HECW2: variants seen among roughly 807,000 people sequenced by gnomAD.
HECW2 encodes E3 ubiquitin-protein ligase HECW2.
In HECW2, 61 loss-of-function variants were observed where a neutral mutation model predicts 175.2. The ratio of observed to expected loss-of-function variants is 0.35; its 90% CI spans 0.28 to 0.43. HECW2 has a LOEUF of 0.43. Ranked by LOEUF, HECW2 falls within the 20% of genes least tolerant of loss-of-function variation. The pLI, the probability that HECW2 is intolerant of heterozygous loss-of-function variation, is 1.00. For missense variants in HECW2, 1,524 were observed against 2,000.5 expected (o/e 0.76, Z 4.54); for synonymous variants, 671 against 731.0 (o/e 0.92, Z 1.32).
chr2:196,342,545 A>G (rs1692795907), intron 3 of HECW2, among the ~76,000 whole-genome samples: 1 of 151,962 alleles, frequency 6.6e-6, no homozygotes, highest in African/African-American at 2.4e-5. Context: ...TATTTTTTCA[A>G]TAATATTGGT....
chr2:196,332,794 C>T (rs1692415173), intron 4 of HECW2, among the ~76,000 whole-genome samples: 1 of 151,998 alleles, frequency 6.6e-6, no homozygotes, highest in African/African-American at 2.4e-5. Flanking sequence ...TGTAACTTTC[C>T]GTTTTTAGAA....
intron 2 of HECW2, among the ~76,000 whole-genome samples, chr2:196,365,141 T>C (rs1693709661): frequency 1.3e-5 from 2 of 152,244 alleles, no homozygotes; most frequent in South Asian, 2.1e-4. Context: ...GGATTAATTA[T>C]ACACAATTAA....
At chr2:196,424,749 T>C (rs1043847884) in intron 2 of HECW2, among the ~76,000 whole-genome samples, 2 of 152,142 alleles carry the variant, frequency 1.3e-5, no homozygotes, top group African/African-American at 4.8e-5. Context: ...GGTTGATTCA[T>C]AAGTTTAAGG....
intron 1 of HECW2, among the ~76,000 whole-genome samples, chr2:196,499,382 C>A (rs1020244249): frequency 2.0e-5 from 3 of 151,686 alleles, no homozygotes; most frequent in East Asian, 1.9e-4. Context: ...CCTCTGCCAG[C>A]ATTAAGCATT....
chr2:196,389,027 T>C (rs766085382), intron 2 of HECW2, among the ~76,000 whole-genome samples: 5 of 152,180 alleles, frequency 3.3e-5, no homozygotes, highest in African/African-American at 9.7e-5. Flanking sequence ...AAAAGCTATA[T>C]AGTTCCTAGA....
chr2:196,509,117 G>GT (rs200654053), intron 1 of HECW2, among the ~76,000 whole-genome samples: 53 of 151,468 alleles, frequency 3.5e-4, no homozygotes, highest in Admixed American at 8.5e-4. Context: ...AGGATTGTGG[G>GT]TTTTTTTTTA....
chr2:196,546,637 A>G (rs1363739982), intron 1 of HECW2, among the ~76,000 whole-genome samples: 1 of 152,092 alleles, frequency 6.6e-6, no homozygotes, highest in African/African-American at 2.4e-5. Flanking sequence ...GACCTACCTA[A>G]AGGTTTCAGC....
chr2:196,323,262 T>C (rs1183570449), intron 6 of HECW2, among the ~76,000 whole-genome samples: 5 of 152,216 alleles, frequency 3.3e-5, no homozygotes, highest in Admixed American at 2.0e-4. Context: ...AGAATGCCAC[T>C]GGGGAAATTT....
intron 1 of HECW2, among the ~76,000 whole-genome samples, chr2:196,471,736 G>C (rs551232481): frequency 6.6e-6 from 1 of 152,070 alleles, no homozygotes; most frequent in African/African-American, 2.4e-5. Flanking sequence ...AATACTACAT[G>C]TTCTCACTTA....
At chr2:196,482,776 T>G (rs575700310) in intron 1 of HECW2, among the ~76,000 whole-genome samples, 1 of 152,112 alleles carries the variant, frequency 6.6e-6, no homozygotes, top group Non-Finnish European at 1.5e-5. Flanking sequence ...AATTCAAGAA[T>G]AAAATCACTA....
At chr2:196,490,843 A>C (rs915503559) in intron 1 of HECW2, among the ~76,000 whole-genome samples, 2 of 151,812 alleles carry the variant, frequency 1.3e-5, no homozygotes, top group Admixed American at 6.6e-5. Context: ...CTAAGTGAAG[A>C]AAGCCAAAAC....
intron 2 of HECW2, among the ~76,000 whole-genome samples, chr2:196,377,061 A>G (rs575153553): frequency 4.6e-5 from 7 of 152,364 alleles, no homozygotes; most frequent in African/African-American, 1.4e-4. Flanking sequence ...AATTTCATAA[A>G]CATGCCAAGG....
chr2:196,439,876 G>A (rs1015074905), intron 1 of HECW2, among the ~76,000 whole-genome samples: 3 of 152,156 alleles, frequency 2.0e-5, no homozygotes, highest in Non-Finnish European at 4.4e-5. Flanking sequence ...GGAACCCAGC[G>A]CTGTTGGCAG....
At chr2:196,442,166 T>C (rs1264252331) in intron 1 of HECW2, among the ~76,000 whole-genome samples, 2 of 152,122 alleles carry the variant, frequency 1.3e-5, no homozygotes, top group Admixed American at 6.6e-5. Context: ...ACTCATTTAG[T>C]TATTTAAACG....
At chr2:196,343,231 T>C (rs1448168519) in intron 3 of HECW2, among the ~76,000 whole-genome samples, 2 of 152,222 alleles carry the variant, frequency 1.3e-5, no homozygotes, top group African/African-American at 2.4e-5. Context: ...ATATAACCTG[T>C]GTACATCCTC....
intron 5 of HECW2, 149 bp downstream of exon 5, chr2:196,329,426 G>C (rs910433466): frequency 1.8e-6 from 1 of 557,284 alleles, no homozygotes; most frequent in Admixed American, 3.0e-5. Context: ...CATGGTAAGA[G>C]ATATACTTGA....
At chr2:196,534,031 T>C (rs1688934202) in intron 1 of HECW2, among the ~76,000 whole-genome samples, 1 of 152,232 alleles carries the variant, frequency 6.6e-6, no homozygotes, top group African/African-American at 2.4e-5. Flanking sequence ...TGATTTACTG[T>C]TGCACATTAT....
At chr2:196,216,964 T>G in intron 27 of HECW2, 44 bp downstream of exon 27, 1 of 1,271,500 alleles carries the variant, frequency 7.9e-7, no homozygotes. Context: ...CTTCCAACAA[T>G]AATCATATTG....
At chr2:196,422,436 A>C (rs1445978874) in intron 2 of HECW2, among the ~76,000 whole-genome samples, 3 of 152,094 alleles carry the variant, frequency 2.0e-5, no homozygotes. Context: ...TCTTCCCCTG[A>C]CACTTGCCCA....
Sources: allele counts gnomAD v4.1 joint callset (sites outside exome capture counted in the v4.1 genomes callset), GRCh38; gene constraint gnomAD v4.1.1; transcripts MANE v1.5; gene names NCBI Gene and HGNC (gene_info 2026-07-23, HGNC 2026-07-21).